XKR9: variants seen among roughly 807,000 people sequenced by gnomAD.
The protein encoded by XKR9 is XK related 9, also known as XK-related protein 9.
XKR9 carries 32 observed loss-of-function variants against 32.0 expected under a neutral mutation model. The ratio of observed to expected loss-of-function variants is 1.00; its 90% CI spans 0.76 to 1.34. The LOEUF (loss-of-function observed/expected upper bound fraction) is 1.34, where lower values mean the gene tolerates loss of function less well. Among genes scored for constraint, XKR9 ranks in the 40% most tolerant of loss-of-function variants. XKR9 has a pLI of 0.00. For missense variants in XKR9, 546 were observed against 429.7 expected (o/e 1.27, Z -2.39); for synonymous variants, 168 against 143.4 (o/e 1.17, Z -1.22).
chr8:70,995,066 C>T, the XKR9 span, among the ~76,000 whole-genome samples: 1 of 152,126 alleles, frequency 6.6e-6, no homozygotes, highest in African/African-American at 2.4e-5. Context: ...GTGGGGACAA[C>T]TTTACAAACT....
the XKR9 span, among the ~76,000 whole-genome samples, chr8:71,030,009 G>A: frequency 6.6e-6 from 1 of 151,754 alleles, no homozygotes; most frequent in Non-Finnish European, 1.5e-5. Context: ...AAAAGGAAAT[G>A]TGTGAGATGT....
the XKR9 span, among the ~76,000 whole-genome samples, chr8:71,031,352 A>G: frequency 6.6e-6 from 1 of 152,218 alleles, no homozygotes; most frequent in East Asian, 1.9e-4. Flanking sequence ...TATACAGGAC[A>G]TTAAAATATA....
the XKR9 span, among the ~76,000 whole-genome samples, chr8:70,800,053 G>T: frequency 1.3e-5 from 2 of 152,126 alleles, no homozygotes; most frequent in Non-Finnish European, 2.9e-5. Flanking sequence ...CTAATTTATT[G>T]AGAGTTTCTA....
At chr8:70,693,307 T>C (rs1805145007) in intron 3 of XKR9, among the ~76,000 whole-genome samples, 1 of 152,176 alleles carries the variant, frequency 6.6e-6, no homozygotes, top group Admixed American at 6.5e-5. Flanking sequence ...AGTGGGGGTA[T>C]ATTAGTGAGA....
chr8:70,748,272 G>A (rs555462117), intron 2 of XKR9, among the ~76,000 whole-genome samples: 2 of 152,334 alleles, frequency 1.3e-5, no homozygotes, highest in Admixed American at 1.3e-4. Context: ...GCTCCTGGGC[G>A]CAGATGTAGC....
At chr8:71,049,143 C>A in the XKR9 span, among the ~76,000 whole-genome samples, 3 of 152,234 alleles carry the variant, frequency 2.0e-5, no homozygotes, top group Middle Eastern at 3.4e-3. Flanking sequence ...TAACACTTGG[C>A]AATTCAAGCC....
In XKR9 at chr8:70,748,596, C is replaced by T. The variant is rs555876544; in HGVS notation, n.353-40743C>T. 2.0e-5 allele frequency among the ~76,000 whole-genome samples: 3 copies of T among 152,256 alleles called. No homozygotes were observed. The South Asian group carries it at 6.2e-4, about 32-fold the overall frequency. ...TGGCTCTGTGCAGGTCTGCAGGTGC[C>T]CCTTGGCATGAGGAGCCTGGGCGCT... is the stretch of plus-strand genomic sequence containing the variant. On this transcript the variant is annotated intron_variant and non_coding_transcript_variant, in intron 2 of 3. Transcript: ENST00000520273.
chr8:71,058,237 C>T, the XKR9 span, among the ~76,000 whole-genome samples: 1 of 152,074 alleles, frequency 6.6e-6, no homozygotes, highest in South Asian at 2.1e-4. Context: ...GGTATTTGGC[C>T]AATGTCAGTC....
At chr8:70,816,146 C>T in the XKR9 span, among the ~76,000 whole-genome samples, 1 of 152,212 alleles carries the variant, frequency 6.6e-6, no homozygotes, top group East Asian at 1.9e-4. Context: ...ATAAAACAGA[C>T]ACACAGATAA....
chr8:70,799,941 G>C, the XKR9 span, among the ~76,000 whole-genome samples: 1 of 152,150 alleles, frequency 6.6e-6, no homozygotes, highest in Non-Finnish European at 1.5e-5. Flanking sequence ...TCTTGAGCTG[G>C]TTTTCAAGGA....
chr8:70,750,031 A>G (rs1246931977), intron 2 of XKR9, among the ~76,000 whole-genome samples: 1 of 152,062 alleles, frequency 6.6e-6, no homozygotes, highest in African/African-American at 2.4e-5. Context: ...TGGTGTGTGT[A>G]TGCATGAATG....
At chr8:70,741,893 A>G (rs1439724680) in intron 2 of XKR9, among the ~76,000 whole-genome samples, 2 of 151,490 alleles carry the variant, frequency 1.3e-5, no homozygotes, top group Admixed American at 6.6e-5. Flanking sequence ...TGGCTGCACT[A>G]TTTTACAATC....
the XKR9 span, among the ~76,000 whole-genome samples, chr8:70,878,265 A>T: frequency 6.6e-6 from 1 of 152,184 alleles, no homozygotes. Flanking sequence ...CAAAATAACC[A>T]GCGAACATCA....
At chr8:70,967,200 C>T in the XKR9 span, among the ~76,000 whole-genome samples, 3 of 151,714 alleles carry the variant, frequency 2.0e-5, no homozygotes, top group African/African-American at 7.3e-5. Flanking sequence ...GTAGCTGGGA[C>T]TACAGGCGCC....
At chr8:70,799,179 G>A in the XKR9 span, among the ~76,000 whole-genome samples, 1 of 152,100 alleles carries the variant, frequency 6.6e-6, no homozygotes, top group Non-Finnish European at 1.5e-5. Context: ...TCCTATCCAT[G>A]GGCATGGAAT....
At chr8:70,752,209 A>G (rs76257302) in intron 2 of XKR9, among the ~76,000 whole-genome samples, 11,052 of 152,314 alleles carry the variant, frequency 0.073, 477 homozygotes, top group Non-Finnish European at 0.089. Context: ...CATATAGGAT[A>G]TGGTCTTTTG....
At chr8:70,824,944 T>C in the XKR9 span, among the ~76,000 whole-genome samples, 1 of 152,024 alleles carries the variant, frequency 6.6e-6, no homozygotes, top group African/African-American at 2.4e-5. Flanking sequence ...AATAATAATA[T>C]CAAAGATAGC....
the XKR9 span, among the ~76,000 whole-genome samples, chr8:71,020,942 G>C: frequency 6.6e-6 from 1 of 152,186 alleles, no homozygotes; most frequent in Non-Finnish European, 1.5e-5. Flanking sequence ...AGTTTATAAA[G>C]AAAAGAGATT....
At chr8:70,993,382 C>A in the XKR9 span, among the ~76,000 whole-genome samples, 2 of 152,140 alleles carry the variant, frequency 1.3e-5, no homozygotes, top group Non-Finnish European at 2.9e-5. Flanking sequence ...TGTTTCCTAG[C>A]CATCTGAAGC....
Sources: allele counts gnomAD v4.1 joint callset (sites outside exome capture counted in the v4.1 genomes callset), GRCh38; gene constraint gnomAD v4.1.1; transcripts MANE v1.5; gene names NCBI Gene and HGNC (gene_info 2026-07-23, HGNC 2026-07-21).